The following CDH17 variants were observed in gnomAD, a reference collection of about 807,000 sequenced individuals.
CDH17 encodes cadherin-17.
A neutral mutation model predicts 86.3 loss-of-function variants in CDH17; 67 were observed. That is an observed-to-expected ratio of 0.78 (90% CI 0.64 to 0.95). The LOEUF (loss-of-function observed/expected upper bound fraction) is 0.95, where lower values mean the gene tolerates loss of function less well. Ranked by LOEUF, CDH17 falls within the 40% of genes least tolerant of loss-of-function variation. The pLI is 0.00. For synonymous variants in CDH17, 367 were observed against 366.4 expected (o/e 1.00, Z -0.02); for missense variants, 993 against 1,017.6 (o/e 0.98, Z 0.33).
chr8:94,199,073 ATATATATATAT>A (rs1427536830), intron 1 of CDH17, among the ~76,000 whole-genome samples: 93 of 13,468 alleles, frequency 6.9e-3, no homozygotes, highest in Non-Finnish European at 0.01. Context: ...ATATATATAT[ATATATATATAT>A]TTTTTTTTTT....
intron 15 of CDH17, among the ~76,000 whole-genome samples, chr8:94,141,477 A>G (rs542173252): frequency 1.3e-5 from 2 of 152,230 alleles, no homozygotes; most frequent in African/African-American, 4.8e-5. Context: ...TAATAAACAA[A>G]AGGCATACAG....
intron 9 of CDH17, among the ~76,000 whole-genome samples, chr8:94,166,802 T>C (rs1476366133): frequency 6.6e-6 from 1 of 151,916 alleles, no homozygotes; most frequent in Non-Finnish European, 1.5e-5. Context: ...AAGCCAGAAG[T>C]TGGAGATAGG....
chr8:94,166,594 T>C (rs1436382215), intron 9 of CDH17, among the ~76,000 whole-genome samples: 1 of 152,080 alleles, frequency 6.6e-6, no homozygotes, highest in African/African-American at 2.4e-5. Context: ...CACCTAGTAC[T>C]CCCTCCCAAA....
chr8:94,164,833 G>C (rs1410407985), intron 10 of CDH17, among the ~76,000 whole-genome samples: 5 of 152,196 alleles, frequency 3.3e-5, no homozygotes, highest in African/African-American at 1.2e-4. Flanking sequence ...TTGTGTGTCT[G>C]TGCACATTTG....
At chr8:94,211,298 T>A (rs1406656323), upstream of CDH17, among the ~76,000 whole-genome samples, 1 of 152,032 alleles carries the variant, frequency 6.6e-6, no homozygotes, top group African/African-American at 2.4e-5. Flanking sequence ...TTCTAATATT[T>A]ATATTCTTTT....
Position 94,130,686 on chromosome 8 carries a change from T to C in CDH17, c.2338A>G (p.Thr780Ala), listed in dbSNP as rs779910161. The C allele has an allele frequency of 1.3e-5, 21 of 1,613,892 alleles. No homozygotes were observed. Among genetic ancestry groups the C allele is most frequent in the Non-Finnish European group, 1.6e-5 (19 of 1,179,986 alleles). ...GSCFRPAGHQTGIPTVGMAVG... is the reference protein window; with the variant it reads ...GSCFRPAGHQAGIPTVGMAVG... ...GCCATGCCCACAGTGGGTATCCCAGTCTGGTGACCTGCTGGCCGGAAACAA... is the reference window on the plus strand; with the variant it reads ...GCCATGCCCACAGTGGGTATCCCAGCCTGGTGACCTGCTGGCCGGAAACAA... Residue 780 changes from threonine (T) to alanine (A), a missense_variant, in exon 17 of 18, where the codon ACT becomes GCT. Physicochemically the swap from Thr to Ala is moderately conservative, Grantham distance 58. Coordinates refer to ENST00000027335, the MANE Select transcript of CDH17 (RefSeq NM_004063.4).
rs866337105 is a variant in CDH17, at chr8:94,173,024, T to C, written c.783+773A>G. Among the ~76,000 whole-genome samples, 6 of 152,220 alleles carry C rather than the reference T, an allele frequency of 3.9e-5. No homozygotes were observed. In the South Asian group the frequency reaches 6.2e-4, roughly 16 times the overall value. On this transcript the variant is annotated intron_variant, in intron 7 of 17. Coordinates refer to ENST00000027335, the MANE Select transcript of CDH17 (RefSeq NM_004063.4). ...AAGAAGCAGCAGCCTTTCAAATCTA[T>C]TTGCAACCCCCAAATCAAACCATGT... is the stretch of plus-strand genomic sequence containing the variant.
Position 94,200,014 on chromosome 8 carries a change from T to C in CDH17, c.-20-5309A>G, listed in dbSNP as rs191013335. On this transcript the variant is annotated intron_variant, in intron 1 of 17. Transcript: ENST00000027335. ...ATTTCTCTTCACAATTCCCAACTTT[T>C]GGTGGCCCACTAATGAAAATATTCT... is the stretch of plus-strand genomic sequence containing the variant. Among the ~76,000 whole-genome samples, 332 of 152,336 alleles carry C rather than the reference T, an allele frequency of 2.2e-3. 3 individuals carry two copies. The highest frequency in any genetic ancestry group is 7.0e-3 in the African/African-American group (293 of 41,570).
intron 10 of CDH17, among the ~76,000 whole-genome samples, chr8:94,164,884 A>G (rs1669643970): frequency 6.6e-6 from 1 of 152,174 alleles, no homozygotes; most frequent in Non-Finnish European, 1.5e-5. Context: ...CATAGTTTTT[A>G]TCAGATTCTC....
chr8:94,180,359 T>C (rs995376260), intron 3 of CDH17, among the ~76,000 whole-genome samples: 2 of 152,062 alleles, frequency 1.3e-5, no homozygotes, highest in African/African-American at 2.4e-5. Flanking sequence ...GGAAAAAAGA[T>C]TATTTGAAGA....
rs147111302 is a variant in CDH17, at chr8:94,170,890, G to A, written c.879C>T (p.Tyr293=). The A allele has an allele frequency of 6.9e-4, 1,107 of 1,613,702 alleles. No individual in the cohort carries two copies. Among genetic ancestry groups the A allele is most frequent in the Non-Finnish European group, 6.8e-4 (801 of 1,179,818 alleles). The change falls in exon 8 of 18, where the codon TAC becomes TAT. Residue 293 remains tyrosine (Y), a synonymous_variant. Coordinates refer to ENST00000027335, the MANE Select transcript of CDH17 (RefSeq NM_004063.4). The part of the protein sequence containing the change: ...PFSIDQEGDI[Y]VTQPLDREEK... ...CTTCTCGGTCCAAGGGCTGAGTCACGTAAATATCTCCTTCCTGGTCAATTG... is the reference window on the plus strand; with the variant it reads ...CTTCTCGGTCCAAGGGCTGAGTCACATAAATATCTCCTTCCTGGTCAATTG...
chr8:94,165,380 C>G (rs1357066855), intron 10 of CDH17, among the ~76,000 whole-genome samples: 1 of 152,168 alleles, frequency 6.6e-6, no homozygotes, highest in Non-Finnish European at 1.5e-5. Flanking sequence ...ACATTCCCAC[C>G]AGCCTTCCTT....
intron 15 of CDH17, among the ~76,000 whole-genome samples, chr8:94,140,294 G>A (rs534877394): frequency 7.1e-6 from 1 of 140,516 alleles, no homozygotes; most frequent in East Asian, 1.9e-4. Context: ...GCCAAGTGTG[G>A]TAGCTCATAC....
intron 1 of CDH17, among the ~76,000 whole-genome samples, chr8:94,199,185 T>C (rs1428676904): frequency 6.6e-6 from 1 of 151,270 alleles, no homozygotes; most frequent in Non-Finnish European, 1.5e-5. Context: ...CTCTTCATAC[T>C]ATCCCTTGCA....
In CDH17 at chr8:94,197,724, G is replaced by A. The variant is rs1047217224; in HGVS notation, c.-20-3019C>T. ...TAGGTGCCTGTAGTCCCAGCTACTT[G>A]GGAGGCTGAGGCAGGAGAATTGCTT... is the stretch of plus-strand genomic sequence containing the variant. On this transcript the variant is annotated intron_variant, in intron 1 of 17. Coordinates refer to ENST00000027335, the MANE Select transcript of CDH17 (RefSeq NM_004063.4). 9.4e-4 allele frequency among the ~76,000 whole-genome samples: 142 copies of A among 151,794 alleles called. 1 individual carries two copies. Among genetic ancestry groups the A allele is most frequent in the African/African-American group, 3.3e-3 (137 of 41,376 alleles).
At position 94,148,830 on chromosome 8, in the gene CDH17, T is replaced by C. The variant is rs1563569630; in HGVS notation, c.1841A>G (p.His614Arg). 2 of 1,608,854 alleles carry C rather than the reference T, an allele frequency of 1.2e-6. No homozygotes were observed. Among genetic ancestry groups the C allele is most frequent in the East Asian group, 2.3e-5 (1 of 44,320 alleles). The change falls in exon 14 of 18, where the codon CAC becomes CGC. Residue 614 changes from histidine (H) to arginine (R), a missense_variant. Transcript: ENST00000027335. The part of the protein sequence containing the change: ...GDTRGWLKID[H>R]VTGEIFSVAP... ...CACACTAAAGATCTCACCAGTCACGTGGTCAATTTTAAGCCAACCTCTTGT... is the reference window on the plus strand; with the variant it reads ...CACACTAAAGATCTCACCAGTCACGCGGTCAATTTTAAGCCAACCTCTTGT...
In CDH17 at chr8:94,170,982, G is replaced by T. The variant is rs745601353; in HGVS notation, c.787C>A (p.Arg263=). ...DPHPIKITQV[R]WNDPGAQYSL... ...TATTGTGCACCGGGATCATTCCACC[G>T]CACCTACAGGGCCCAAAGTCAGTTG... The change falls in exon 8 of 18, where the codon CGG becomes AGG. Residue 263 remains arginine, a synonymous_variant. Coordinates refer to ENST00000027335, the MANE Select transcript of CDH17 (RefSeq NM_004063.4). The T allele has an allele frequency of 1.2e-6, 2 of 1,612,950 alleles. No individual in the cohort carries two copies. Among genetic ancestry groups the T allele is most frequent in the East Asian group, 2.2e-5 (1 of 44,820 alleles).
chr8:94,165,293 C>T (rs1813130376), intron 10 of CDH17, among the ~76,000 whole-genome samples: 1 of 152,202 alleles, frequency 6.6e-6, no homozygotes, highest in East Asian at 1.9e-4. Flanking sequence ...TTTTCAAAGA[C>T]AATGAATTCC....
At chr8:94,190,169 G>A (rs527966377) in intron 2 of CDH17, among the ~76,000 whole-genome samples, 13 of 152,360 alleles carry the variant, frequency 8.5e-5, no homozygotes, top group Admixed American at 7.2e-4. Flanking sequence ...TTTAACAGGT[G>A]ATGACACTAA....
Sources: gnomAD v4.1 joint callset for allele counts (sites outside exome capture counted in the v4.1 genomes callset) on GRCh38, gnomAD v4.1.1 for gene constraint, MANE v1.5 for transcripts, NCBI Gene and HGNC (gene_info 2026-07-23, HGNC 2026-07-21) for gene names.